The following PMS1 variants were observed in gnomAD, a reference collection of about 807,000 sequenced individuals.
The protein encoded by PMS1 is PMS1 protein homolog 1.
PMS1 carries 79 observed loss-of-function variants against 93.1 expected under a neutral mutation model. That is an observed-to-expected ratio of 0.85 (90% CI 0.71 to 1.02). The LOEUF (loss-of-function observed/expected upper bound fraction) is 1.02, where lower values mean the gene tolerates loss of function less well. PMS1 is among the 50% of genes least tolerant of loss of function. PMS1 has a pLI of 0.00. For missense variants in PMS1, 1,064 were observed against 1,085.3 expected (o/e 0.98, Z 0.28); for synonymous variants, 335 against 363.4 (o/e 0.92, Z 0.89).
At chr2:189,819,974 AATT>A (rs2051681895) in intron 5 of PMS1, among the ~76,000 whole-genome samples, 1 of 152,186 alleles carries the variant, frequency 6.6e-6, no homozygotes, top group Non-Finnish European at 1.5e-5. Context: ...TATATTTTCT[AATT>A]ATTCTGTTTA....
At chr2:189,874,958 A>AT (rs1427609358) in intron 12 of PMS1, among the ~76,000 whole-genome samples, 1 of 151,828 alleles carries the variant, frequency 6.6e-6, no homozygotes, top group Non-Finnish European at 1.5e-5. Context: ...GGTTTTAAAT[A>AT]TTTTTTTGCT....
chr2:189,831,784 T>C (rs5743069), intron 5 of PMS1, among the ~76,000 whole-genome samples: 238 of 152,280 alleles, frequency 1.6e-3, no homozygotes, highest in African/African-American at 5.3e-3. Context: ...TTTTAAAATT[T>C]AAAAATTTTT....
intron 2 of PMS1, among the ~76,000 whole-genome samples, chr2:189,792,821 T>TA (rs1275189746): frequency 1.3e-5 from 2 of 151,290 alleles, no homozygotes; most frequent in African/African-American, 2.4e-5. Context: ...ATTTATTTTT[T>TA]ATTTTTTTGA....
At chr2:189,787,767 C>G (rs2048493565) in intron 1 of PMS1, among the ~76,000 whole-genome samples, 1 of 151,970 alleles carries the variant, frequency 6.6e-6, no homozygotes, top group South Asian at 2.1e-4. Context: ...CTATATGATA[C>G]TGAGGAAATT....
At chr2:189,794,464 C>G (rs990307612) in intron 2 of PMS1, among the ~76,000 whole-genome samples, 5 of 152,192 alleles carry the variant, frequency 3.3e-5, no homozygotes, top group Admixed American at 6.5e-5. Context: ...TCTTAGGCAT[C>G]TCTCTCCAAT....
At chr2:189,873,937 C>T (rs576302760) in intron 12 of PMS1, among the ~76,000 whole-genome samples, 5 of 152,278 alleles carry the variant, frequency 3.3e-5, no homozygotes, top group Non-Finnish European at 5.9e-5. Context: ...TCCACAAAAC[C>T]GGTCCCTGGT....
intron 11 of PMS1, among the ~76,000 whole-genome samples, chr2:189,870,857 A>G (rs777075362): frequency 3.9e-5 from 6 of 152,076 alleles, no homozygotes; most frequent in Non-Finnish European, 5.9e-5. Flanking sequence ...CGTTTCCCCT[A>G]TTGCTCAAAC....
intron 5 of PMS1, among the ~76,000 whole-genome samples, chr2:189,823,138 A>G (rs949837485): frequency 1.3e-5 from 2 of 152,062 alleles, no homozygotes; most frequent in Admixed American, 1.3e-4. Flanking sequence ...AGTCACCTTT[A>G]AAACTTTGGA....
At chr2:189,866,074 A>G (rs549862678) in intron 10 of PMS1, among the ~76,000 whole-genome samples, 1 of 152,308 alleles carries the variant, frequency 6.6e-6, no homozygotes, top group East Asian at 1.9e-4. Flanking sequence ...GGCTTAGGAA[A>G]CTGTCAGAGG....
At chr2:189,840,886 T>C (rs2053766072) in intron 5 of PMS1, among the ~76,000 whole-genome samples, 1 of 152,190 alleles carries the variant, frequency 6.6e-6, no homozygotes, top group African/African-American at 2.4e-5. Context: ...TTTATTTGAA[T>C]AGGATAAAAA....
intron 5 of PMS1, among the ~76,000 whole-genome samples, chr2:189,830,533 A>G (rs2052835337): frequency 6.6e-6 from 1 of 152,108 alleles, no homozygotes; most frequent in East Asian, 1.9e-4. Flanking sequence ...TGAACTTATC[A>G]GTATCCAATA....
At chr2:189,870,356 C>T (rs1487928227) in intron 11 of PMS1, among the ~76,000 whole-genome samples, 1 of 152,126 alleles carries the variant, frequency 6.6e-6, no homozygotes, top group East Asian at 1.9e-4. Flanking sequence ...AAGAACTTTG[C>T]ATGCTAATAG....
chr2:189,862,335 T>A (rs886294318), intron 9 of PMS1, among the ~76,000 whole-genome samples: 5 of 152,212 alleles, frequency 3.3e-5, no homozygotes, highest in African/African-American at 7.2e-5. Flanking sequence ...GTATTTTTTT[T>A]ATAATTTCCA....
intron 5 of PMS1, among the ~76,000 whole-genome samples, chr2:189,830,335 T>C (rs911362737): frequency 6.6e-6 from 1 of 152,230 alleles, no homozygotes; most frequent in Non-Finnish European, 1.5e-5. Context: ...CTGCGAGTCA[T>C]GCTTCCAGCT....
At chr2:189,827,946 C>T (rs921988510) in intron 5 of PMS1, among the ~76,000 whole-genome samples, 7 of 146,660 alleles carry the variant, frequency 4.8e-5, no homozygotes, top group African/African-American at 1.8e-4. Context: ...TTGTTTGAGA[C>T]AGAGTCTTGC....
intron 9 of PMS1, chr2:189,857,532 C>G (rs5743144): frequency 1.3e-5 from 6 of 461,888 alleles, no homozygotes; most frequent in Middle Eastern, 3.3e-4. Flanking sequence ...AGAGTAGACG[C>G]CTCTTCTATA....
chr2:189,854,973 C>T lies in PMS1; in HGVS notation c.1701C>T (p.Ser567=), dbSNP rs2106464276. 1 of 1,612,716 alleles carries T rather than the reference C, an allele frequency of 6.2e-7. No homozygotes were observed. Among genetic ancestry groups the T allele is most frequent in the South Asian group, 1.1e-5 (1 of 91,024 alleles). Residue 567 remains serine, a synonymous_variant, in exon 9 of 13, where the codon AGC becomes AGT. Transcript: ENST00000441310. ...SGKVTAYDLL[S]NRVIKKPMSA... ...AAGTTACAGCTTATGATTTACTTAG[C>T]AATCGAGTAATCAAGAAACCCATGT...
intron 9 of PMS1, among the ~76,000 whole-genome samples, chr2:189,860,275 T>C (rs1234917523): frequency 6.6e-6 from 1 of 152,222 alleles, no homozygotes; most frequent in African/African-American, 2.4e-5. Context: ...TTTGTTACAC[T>C]AGTTTGGTTT....
At chr2:189,833,131 T>C (rs2053100894) in intron 5 of PMS1, among the ~76,000 whole-genome samples, 1 of 152,214 alleles carries the variant, frequency 6.6e-6, no homozygotes, top group African/African-American at 2.4e-5. Context: ...CTTCTTCCTT[T>C]TCTGTGTGAA....
Sources: allele counts gnomAD v4.1 joint callset (sites outside exome capture counted in the v4.1 genomes callset), GRCh38; gene constraint gnomAD v4.1.1; transcripts MANE v1.5; gene names NCBI Gene and HGNC (gene_info 2026-07-23, HGNC 2026-07-21).